Variants in MTMR12 observed in about 807,000 individuals in gnomAD.
MTMR12 encodes myotubularin related protein 12, also known as myotubularin-related protein 12.
MTMR12 carries 33 observed loss-of-function variants against 96.7 expected under a neutral mutation model. The observed-to-expected ratio is 0.34, with a 90% CI of 0.26 to 0.46. The LOEUF (loss-of-function observed/expected upper bound fraction) is 0.46. MTMR12 is among the 20% of genes least tolerant of loss of function. The pLI is 1.00. For synonymous variants in MTMR12, 298 were observed against 327.2 expected (o/e 0.91, Z 0.96); for missense variants, 721 against 896.1 (o/e 0.80, Z 2.49).
At chr5:32,305,253 TA>T (rs1751310587) in intron 1 of MTMR12, among the ~76,000 whole-genome samples, 1 of 152,120 alleles carries the variant, frequency 6.6e-6, no homozygotes, top group Admixed American at 6.6e-5. Context: ...CACGCCCGGC[TA>T]ATTTTTGTAT....
Position 32,312,777 on chromosome 5 carries a change from A to T in MTMR12, c.62T>A (p.Val21Glu). The T allele has an allele frequency of 2.6e-6, 4 of 1,531,016 alleles. No individual in the cohort carries two copies. Among genetic ancestry groups the T allele is most frequent in the Non-Finnish European group, 3.5e-6 (4 of 1,142,006 alleles). 94.8% of individuals were successfully genotyped at this position (1,531,016 alleles called of 1,614,324 possible). The part of the protein sequence containing the change: ...GGTKAPKPSF[V>E]SYVRPEEIHT... ...CCTCACCTCAGGGCGTACGTACGAC[A>T]CGAAGGAGGGCTTGGGGGCCTTGGT... The change falls in exon 1 of 16, where the codon GTG (valine) becomes GAG (glutamate). Residue 21 changes from valine to glutamate, a missense_variant. Val to Glu is a moderately radical substitution (Grantham distance 121). Transcript: ENST00000382142. The surrounding 1 kb of genome is among the most constrained non-coding windows in gnomAD (Gnocchi z 5.0).
Position 32,239,121 on chromosome 5 carries a change from C to A in MTMR12, c.1224G>T (p.Met408Ile). The A allele has an allele frequency of 6.2e-7, 1 of 1,608,896 alleles. No individual in the cohort carries two copies. The highest frequency in any genetic ancestry group is 8.5e-7 in the Non-Finnish European group (1 of 1,177,526). The change falls in exon 13 of 16, where the codon ATG becomes ATT. Residue 408 changes from methionine to isoleucine, a missense_variant. Coordinates refer to ENST00000382142, the MANE Select transcript of MTMR12 (RefSeq NM_001040446.3). ...TTCTGGTTCTGCAGTGGGGGTCCAT[C>A]ATCAGTTGCACCAGAGAGGAAATGA... ...CCLISSLVQLMMDPHCRTRIG... is the reference protein window; with the variant it reads ...CCLISSLVQLIMDPHCRTRIG...
chr5:32,240,441 C>G (rs1748424430), intron 12 of MTMR12, among the ~76,000 whole-genome samples: 1 of 151,358 alleles, frequency 6.6e-6, no homozygotes, highest in African/African-American at 2.4e-5. Context: ...TAGGGAGGTG[C>G]TCATATTGTG....
At chr5:32,284,869 T>C (rs919648959) in intron 1 of MTMR12, among the ~76,000 whole-genome samples, 1 of 152,188 alleles carries the variant, frequency 6.6e-6, no homozygotes, top group Non-Finnish European at 1.5e-5. Context: ...CTCTGAAAAT[T>C]ATGGAAATTT....
At chr5:32,269,326 CTATTAT>C (rs1196109365) in intron 5 of MTMR12, among the ~76,000 whole-genome samples, 3 of 149,850 alleles carry the variant, frequency 2.0e-5, no homozygotes, top group Admixed American at 6.6e-5. Flanking sequence ...CCTGCCCAGC[CTATTAT>C]TATTATTATT....
At chr5:32,271,567 A>G (rs1009951336) in intron 4 of MTMR12, among the ~76,000 whole-genome samples, 8 of 152,214 alleles carry the variant, frequency 5.3e-5, no homozygotes, top group Admixed American at 1.3e-4. Flanking sequence ...TCTGATATCA[A>G]AAAGTCTGAT....
intron 6 of MTMR12, among the ~76,000 whole-genome samples, chr5:32,268,063 C>A (rs766319883): frequency 5.9e-5 from 9 of 152,108 alleles, no homozygotes; most frequent in Non-Finnish European, 8.8e-5. Context: ...GATCGCCTGA[C>A]CTCGTGATCC....
intron 1 of MTMR12, among the ~76,000 whole-genome samples, chr5:32,303,099 TAAC>T (rs1285628481): frequency 4.6e-5 from 7 of 152,218 alleles, no homozygotes; most frequent in African/African-American, 1.4e-4. Context: ...AACTTCTGAA[TAAC>T]AACAATAATG....
At chr5:32,234,051 T>C (rs1748111761) in intron 14 of MTMR12, 117 bp from the exon 15 acceptor site, 2 of 1,236,710 alleles carry the variant, frequency 1.6e-6, no homozygotes, top group East Asian at 2.5e-5. Context: ...GAATGAATAA[T>C]CATGGGCATT....
In MTMR12 at chr5:32,238,989, G is replaced by T. The variant is rs1372034899; in HGVS notation, c.1344+12C>A. On this transcript the variant is annotated intron_variant, in intron 13 of 15. Transcript: ENST00000382142. ...CCCTATGACGGAAACAGTCTGCAGT[G>T]AGGGAACTCACCTCCTCTTTGTCGT... 6.3e-7 allele frequency: 1 copy of T among 1,576,278 alleles called. No homozygotes were observed. Among genetic ancestry groups the T allele is most frequent in the Non-Finnish European group, 8.6e-7 (1 of 1,156,556 alleles).
At chr5:32,271,954 A>T (rs372043842) in intron 3 of MTMR12, 49 bp from the exon 4 acceptor site, 1 of 1,141,462 alleles carries the variant, frequency 8.8e-7, no homozygotes, top group Non-Finnish European at 1.3e-6. Flanking sequence ...ATACTGTTAG[A>T]CATTTATAGG....
intron 1 of MTMR12, among the ~76,000 whole-genome samples, chr5:32,309,305 T>C (rs1751488140): frequency 6.6e-6 from 1 of 151,920 alleles, no homozygotes; most frequent in Admixed American, 6.6e-5. Flanking sequence ...CAGGGTTCTA[T>C]CAAAAAAAGA....
At chr5:32,295,903 C>G in intron 1 of MTMR12, among the ~76,000 whole-genome samples, 1 of 152,092 alleles carries the variant, frequency 6.6e-6, no homozygotes, top group Non-Finnish European at 1.5e-5. Flanking sequence ...CCTGTAATCC[C>G]AGCATTTTGG....
At chr5:32,281,191 T>C (rs1189111943) in intron 1 of MTMR12, among the ~76,000 whole-genome samples, 1 of 145,222 alleles carries the variant, frequency 6.9e-6, no homozygotes, top group Non-Finnish European at 1.5e-5. Context: ...GAGGTTGCAG[T>C]GAGCTGAGAT....
At chr5:32,244,950 G>C (rs2112011811) in intron 10 of MTMR12, among the ~76,000 whole-genome samples, 1 of 152,184 alleles carries the variant, frequency 6.6e-6, no homozygotes, top group South Asian at 2.1e-4. Context: ...AAAGAACTGA[G>C]GGTCCTGGGA....
intron 12 of MTMR12, among the ~76,000 whole-genome samples, chr5:32,239,795 G>A (rs578065785): frequency 6.6e-6 from 1 of 152,322 alleles, no homozygotes; most frequent in East Asian, 1.9e-4. Context: ...GGGGCACAGA[G>A]GTGCCTGCTT....
chr5:32,291,012 GA>G (rs1180438273), intron 1 of MTMR12, among the ~76,000 whole-genome samples: 3 of 152,110 alleles, frequency 2.0e-5, no homozygotes, highest in African/African-American at 7.3e-5. Flanking sequence ...TCATCAAATG[GA>G]AGTGGTATAC....
At chr5:32,301,235 A>C (rs906148194) in intron 1 of MTMR12, among the ~76,000 whole-genome samples, 7 of 152,220 alleles carry the variant, frequency 4.6e-5, no homozygotes, top group Non-Finnish European at 7.3e-5. Flanking sequence ...AGGAGAAGGC[A>C]CAAAGTATAA....
chr5:32,258,737 G>A (rs1749236459), intron 7 of MTMR12, among the ~76,000 whole-genome samples: 1 of 152,098 alleles, frequency 6.6e-6, no homozygotes, highest in Non-Finnish European at 1.5e-5. Flanking sequence ...AGTCATCTGT[G>A]CAGTTGTTTA....
Sources: gnomAD v4.1 joint callset for allele counts (sites outside exome capture counted in the v4.1 genomes callset) on GRCh38, gnomAD v4.1.1 for gene constraint, Gnocchi (gnomAD v3.1) non-coding constraint, MANE v1.5 for transcripts, NCBI Gene and HGNC (gene_info 2026-07-23, HGNC 2026-07-21) for gene names.